The following SPOP variants were observed in gnomAD, a reference collection of about 807,000 sequenced individuals.
The protein encoded by SPOP is speckle-type POZ protein.
In SPOP, 11 loss-of-function variants were observed where a neutral mutation model predicts 45.6. The ratio of observed to expected loss-of-function variants is 0.24; its 90% CI spans 0.15 to 0.40. The LOEUF is 0.40. Ranked by LOEUF, SPOP falls within the 10% of genes least tolerant of loss-of-function variation. The pLI is 1.00. For missense variants in SPOP, 152 were observed against 465.6 expected (o/e 0.33, Z 6.20); for synonymous variants, 166 against 166.3 (o/e 1.00, Z 0.01).
chr17:49,672,584 T>A (rs566573169), intron 1 of SPOP, among the ~76,000 whole-genome samples: 1 of 152,178 alleles, frequency 6.6e-6, no homozygotes, highest in Non-Finnish European at 1.5e-5. Context: ...TATGAAACTA[T>A]GAAGAAATAA....
At chr17:49,655,587 C>A (rs115248228) in intron 1 of SPOP, among the ~76,000 whole-genome samples, 2,044 of 151,872 alleles carry the variant, frequency 0.013, 43 homozygotes, top group African/African-American at 0.047. Context: ...AGATTTACAT[C>A]CAAAATTCTA....
rs977029446 is a variant in SPOP at position 49,619,838 on chromosome 17, G to A, written c.201-453C>T. Among the ~76,000 whole-genome samples the A allele has an allele frequency of 3.3e-5, 5 of 152,036 alleles. No homozygotes were observed. On this transcript the variant is annotated intron_variant, in intron 3 of 9. Transcript: ENST00000504102. The surrounding 1 kb of genome is among the most constrained non-coding windows in gnomAD (Gnocchi z 4.9). ...CCACACCTGGCTGGGAACCACTTTC[G>A]TAAAGCAAAATGGGTCACCTTTTAA... is the stretch of plus-strand genomic sequence containing the variant.
intron 8 of SPOP, among the ~76,000 whole-genome samples, chr17:49,603,992 A>G (rs2071788146): frequency 6.6e-6 from 1 of 152,214 alleles, no homozygotes; most frequent in Admixed American, 6.5e-5. Flanking sequence ...GCAGAAGTTT[A>G]ATCTTGGCTC....
intron 6 of SPOP, among the ~76,000 whole-genome samples, chr17:49,610,501 G>A (rs2071949073): frequency 6.6e-6 from 1 of 152,212 alleles, no homozygotes; most frequent in African/African-American, 2.4e-5. Context: ...TGACAGGCAT[G>A]AGCCACCGCG....
At chr17:49,612,546 G>A (rs1039595925) in intron 5 of SPOP, among the ~76,000 whole-genome samples, 2 of 152,152 alleles carry the variant, frequency 1.3e-5, no homozygotes. Context: ...AACCAGTTCA[G>A]CCTAGGTAAA....
chr17:49,650,160 G>T (rs923945749), intron 1 of SPOP, among the ~76,000 whole-genome samples: 1 of 151,922 alleles, frequency 6.6e-6, no homozygotes, highest in African/African-American at 2.4e-5. Flanking sequence ...CAAAGTGCTT[G>T]GATTACAGGT....
At chr17:49,664,217 G>A (rs1759839957) in intron 1 of SPOP, among the ~76,000 whole-genome samples, 1 of 152,190 alleles carries the variant, frequency 6.6e-6, no homozygotes, top group South Asian at 2.1e-4. Context: ...ACAATTGTCT[G>A]AAAAGGCTAT....
At chr17:49,624,479 T>A (rs1012007662) in intron 1 of SPOP, among the ~76,000 whole-genome samples, 1 of 151,830 alleles carries the variant, frequency 6.6e-6, no homozygotes. Flanking sequence ...ATTTTTACTA[T>A]TTTTTTTGAG....
chr17:49,602,926 G>T (rs990427545), intron 8 of SPOP, among the ~76,000 whole-genome samples: 3 of 152,158 alleles, frequency 2.0e-5, no homozygotes, highest in African/African-American at 7.2e-5. Context: ...AACTTACTAG[G>T]AACTTGAGGG....
intron 1 of SPOP, among the ~76,000 whole-genome samples, chr17:49,664,421 C>T (rs1346645164): frequency 6.6e-6 from 1 of 152,094 alleles, no homozygotes; most frequent in African/African-American, 2.4e-5. Context: ...TTTTCTAAAA[C>T]ATTTTTTCAT....
chr17:49,616,566 G>C (rs1391515118), intron 5 of SPOP, among the ~76,000 whole-genome samples: 5 of 152,190 alleles, frequency 3.3e-5, no homozygotes, highest in South Asian at 2.1e-4. Context: ...CACCAAAAAT[G>C]ATCTAGCTAT....
At chr17:49,647,188 C>T (rs886885889) in intron 1 of SPOP, among the ~76,000 whole-genome samples, 2 of 151,302 alleles carry the variant, frequency 1.3e-5, no homozygotes, top group African/African-American at 4.9e-5. Context: ...CCCAGCTAAT[C>T]GGAAGGCTGA....
chr17:49,638,416 C>T (rs1363841741), intron 1 of SPOP, among the ~76,000 whole-genome samples: 1 of 152,068 alleles, frequency 6.6e-6, no homozygotes, highest in African/African-American at 2.4e-5. Flanking sequence ...TGGTGAAACC[C>T]CGTCTCTACT....
intron 1 of SPOP, among the ~76,000 whole-genome samples, chr17:49,637,705 T>TTGTCCTG (rs1201507990): frequency 6.6e-6 from 1 of 152,200 alleles, no homozygotes; most frequent in Non-Finnish European, 1.5e-5. Flanking sequence ...ATGAGGTGAC[T>TTGTCCTG]TGTCCTGTGT....
intron 1 of SPOP, among the ~76,000 whole-genome samples, chr17:49,643,246 T>C (rs1313189317): frequency 6.6e-6 from 1 of 152,220 alleles, no homozygotes; most frequent in East Asian, 1.9e-4. Flanking sequence ...AGTTTTCATT[T>C]GTAACACTTC....
intron 1 of SPOP, among the ~76,000 whole-genome samples, chr17:49,624,331 GCACA>G (rs58009760): frequency 0.11 from 16,336 of 149,178 alleles, 1,047 homozygotes; most frequent in African/African-American, 0.18. Context: ...GCGCGCGCGC[GCACA>G]CACACACACA....
At chr17:49,650,526 G>A (rs2072829076) in intron 1 of SPOP, among the ~76,000 whole-genome samples, 1 of 152,140 alleles carries the variant, frequency 6.6e-6, no homozygotes, top group Non-Finnish European at 1.5e-5. Context: ...GTTACAGTGA[G>A]CCAAGCTCGT....
intron 1 of SPOP, among the ~76,000 whole-genome samples, chr17:49,675,599 A>C (rs2073188681): frequency 1.3e-5 from 2 of 152,376 alleles, no homozygotes; most frequent in South Asian, 4.1e-4. Flanking sequence ...ATTTTAAACA[A>C]TGATTTTTTA....
chr17:49,602,366 T>C (rs949703818), intron 8 of SPOP: 1 of 186,114 alleles, frequency 5.4e-6, no homozygotes, highest in African/African-American at 2.4e-5. Flanking sequence ...GGCATCAGTC[T>C]GCTTCACGTC....
Sources: gnomAD v4.1 joint callset for allele counts (sites outside exome capture counted in the v4.1 genomes callset) on GRCh38, gnomAD v4.1.1 for gene constraint, Gnocchi (gnomAD v3.1) non-coding constraint, MANE v1.5 for transcripts, NCBI Gene and HGNC (gene_info 2026-07-23, HGNC 2026-07-21) for gene names.